Variants in AMDHD2 observed in about 807,000 individuals in gnomAD.
AMDHD2 encodes N-acetylglucosamine-6-phosphate deacetylase.
In AMDHD2, 24 loss-of-function variants were observed where a neutral mutation model predicts 41.8. The observed-to-expected ratio is 0.57, with a 90% CI of 0.42 to 0.81. The LOEUF (loss-of-function observed/expected upper bound fraction) is 0.81, where lower values mean the gene tolerates loss of function less well. Among genes scored for constraint, AMDHD2 ranks in the 30% least tolerant of loss-of-function variants. AMDHD2 has a pLI of 0.00. For missense variants in AMDHD2, 540 were observed against 588.5 expected, an observed-to-expected ratio of 0.92 and a Z score of 0.85; for synonymous variants, 332 against 255.5, an observed-to-expected ratio of 1.30 and a Z score of -2.85.
rs141294706 is a variant in AMDHD2, at chr16:2,530,427, C to T, written c.*864C>T. The T allele has an allele frequency of 5.7e-5, 92 of 1,614,098 alleles. No homozygotes were observed. In the African/African-American group the frequency reaches 9.2e-4, roughly 16 times the overall value. On this transcript the variant is annotated 3_prime_UTR_variant, in exon 11 of 11. Coordinates refer to ENST00000293971, the MANE Select transcript of AMDHD2 (RefSeq NM_001330449.2). ...GGCCGTGAGGCTCCCTGAACAGCTT[C>T]GAGGCGGGTGGGCTTCTGGAGCCCT...
chr16:2,530,787 G>A lies in AMDHD2; in HGVS notation c.*1224G>A. On this transcript the variant is annotated 3_prime_UTR_variant, in exon 11 of 11. Coordinates refer to ENST00000293971, the MANE Select transcript of AMDHD2 (RefSeq NM_001330449.2). ...GAGGGCCTGGGGCAGGGCACAAGGG[G>A]TTGATCTCAGCCCACAAGCCCCAGG... 1.2e-6 allele frequency: 2 copies of A among 1,613,704 alleles called. No homozygotes were observed. Among genetic ancestry groups the A allele is most frequent in the Non-Finnish European group, 1.7e-6 (2 of 1,179,976 alleles).
intron 3 of AMDHD2, among the ~76,000 whole-genome samples, chr16:2,522,444 G>A (rs1018844690): frequency 2.6e-5 from 4 of 152,074 alleles, no homozygotes; most frequent in Non-Finnish European, 4.4e-5. Context: ...TTGGGAGGCC[G>A]AGGCAGGCGG....
chr16:2,523,479 C>G (rs987742306), intron 3 of AMDHD2, among the ~76,000 whole-genome samples: 4 of 152,160 alleles, frequency 2.6e-5, no homozygotes, highest in Non-Finnish European at 5.9e-5. Context: ...TTCTGCCTTT[C>G]TGAGCCTCCG....
intron 3 of AMDHD2, among the ~76,000 whole-genome samples, chr16:2,522,968 C>T (rs574088091): frequency 1.2e-3 from 185 of 151,634 alleles, no homozygotes; most frequent in African/African-American, 4.2e-3. Flanking sequence ...CTCAGTCGCC[C>T]GAGTAGCTGG....
In AMDHD2 at chr16:2,520,759, G is replaced by C; in HGVS notation, c.84-10G>C. 6.4e-7 allele frequency: 1 copy of C among 1,567,312 alleles called. No homozygotes were observed. Among genetic ancestry groups the C allele is most frequent in the Non-Finnish European group, 8.6e-7 (1 of 1,157,776 alleles). ...CCCGCGATGCGAGCGCCCACCCACT[G>C]CGTCCCCAGGGAGGATCTGTGGGTG... is the stretch of plus-strand genomic sequence containing the variant. On this transcript the variant is annotated splice_polypyrimidine_tract_variant and intron_variant, in intron 1 of 10. Transcript: ENST00000293971.
chr16:2,529,656 C>T lies in AMDHD2; in HGVS notation c.*93C>T. The T allele has an allele frequency of 1.3e-6, 2 of 1,574,418 alleles. No individual in the cohort carries two copies. The highest frequency in any genetic ancestry group is 1.7e-6 in the Non-Finnish European group (2 of 1,166,964). ...TGGTCTCCAGGGAGTGAGTCGGGAGCCCTGCTGGATTGATGCCCAGGGCCT... is the reference window on the plus strand; with the variant it reads ...TGGTCTCCAGGGAGTGAGTCGGGAGTCCTGCTGGATTGATGCCCAGGGCCT... On this transcript the variant is annotated 3_prime_UTR_variant, in exon 11 of 11. Coordinates refer to ENST00000293971, the MANE Select transcript of AMDHD2 (RefSeq NM_001330449.2).
chr16:2,521,755 T>A (rs2065940932), intron 3 of AMDHD2, among the ~76,000 whole-genome samples: 1 of 151,338 alleles, frequency 6.6e-6, no homozygotes. Flanking sequence ...GTAGGTTGTA[T>A]CCAACATGCT....
At chr16:2,525,568 G>A (rs1348304178) in intron 3 of AMDHD2, among the ~76,000 whole-genome samples, 1 of 151,578 alleles carries the variant, frequency 6.6e-6, no homozygotes, top group Non-Finnish European at 1.5e-5. Flanking sequence ...TTTTTGAGAT[G>A]GAGTCTCACT....
At chr16:2,521,532 C>G (rs139264754) in intron 3 of AMDHD2, among the ~76,000 whole-genome samples, 1 of 152,180 alleles carries the variant, frequency 6.6e-6, no homozygotes, top group Non-Finnish European at 1.5e-5. Context: ...CTCAGTGGAA[C>G]ACGCCTTCCA....
At position 2,530,617 on chromosome 16, in the gene AMDHD2, C is replaced by T. The variant is rs770602232; in HGVS notation, c.*1054C>T. 1.9e-6 allele frequency: 3 copies of T among 1,614,204 alleles called. No homozygotes were observed. Among genetic ancestry groups the T allele is most frequent in the Non-Finnish European group, 2.5e-6 (3 of 1,180,038 alleles). On this transcript the variant is annotated 3_prime_UTR_variant, in exon 11 of 11. Coordinates refer to ENST00000293971, the MANE Select transcript of AMDHD2 (RefSeq NM_001330449.2). ...CTGGGCACAGGAGGTACGCGCCTGG[C>T]TCTGCCACTGTTCTCTTCCCTCTGC... is the stretch of plus-strand genomic sequence containing the variant.
chr16:2,526,223 A>G (rs2066002353), intron 3 of AMDHD2, among the ~76,000 whole-genome samples: 1 of 152,120 alleles, frequency 6.6e-6, no homozygotes, highest in African/African-American at 2.4e-5. Flanking sequence ...CCCAGCCTGC[A>G]GGAGGGGCAT....
Position 2,530,990 on chromosome 16 carries a change from G to A in AMDHD2, c.*1427G>A, listed in dbSNP as rs1485487553. 1.9e-6 allele frequency: 3 copies of A among 1,613,044 alleles called. No individual in the cohort carries two copies. The highest frequency in any genetic ancestry group is 2.5e-6 in the Non-Finnish European group (3 of 1,179,776). ...TGCCAGGGCTCCCAGGCAGGGAGAG[G>A]CAGGTGAGGTTCTCAGCCGATGTGT... On this transcript the variant is annotated 3_prime_UTR_variant, in exon 11 of 11. Transcript: ENST00000293971.
In AMDHD2 at chr16:2,520,744, G is replaced by A. The variant is rs2065923327; in HGVS notation, c.84-25G>A. On this transcript the variant is annotated intron_variant, in intron 1 of 10. Coordinates refer to ENST00000293971, the MANE Select transcript of AMDHD2 (RefSeq NM_001330449.2). ...GGGGCCGAGGTCAGGCCCGCGATGC[G>A]AGCGCCCACCCACTGCGTCCCCAGG... is the stretch of plus-strand genomic sequence containing the variant. 3.3e-6 allele frequency: 5 copies of A among 1,532,762 alleles called. No homozygotes were observed. The African/African-American group carries it at 4.1e-5, about 13-fold the overall frequency. The allele number at this position is 1,532,762 out of a possible 1,614,324, so 94.9% of individuals were successfully genotyped here.
rs2066017757 is a variant in AMDHD2 at position 2,527,443 on chromosome 16, C to T, written c.361-118C>T. ...TGACCCCTGTGAGGGGACAGGCGGC[C>T]GGGGCTGGGCTGGGTGCTGGGCTCT... is the stretch of plus-strand genomic sequence containing the variant. On this transcript the variant is annotated intron_variant, in intron 3 of 10. Coordinates refer to ENST00000293971, the MANE Select transcript of AMDHD2 (RefSeq NM_001330449.2). The surrounding 1 kb of genome is among the most constrained non-coding windows in gnomAD (Gnocchi z 6.1). The T allele has an allele frequency of 3.6e-5, 40 of 1,114,200 alleles. No homozygotes were observed. In the Middle Eastern group the frequency reaches 5.9e-4, roughly 16 times the overall value. The allele number at this position is 1,114,200 out of a possible 1,614,324, so 69.0% of individuals were successfully genotyped here.
chr16:2,522,806 G>C lies in AMDHD2; in HGVS notation c.360+1683G>C, dbSNP rs578011541. ...TGGGATTATAGGCGAGAGCCACTGTGCCTGGCCCATCATGCCTGTTTATTC... is the reference window on the plus strand; with the variant it reads ...TGGGATTATAGGCGAGAGCCACTGTCCCTGGCCCATCATGCCTGTTTATTC... On this transcript the variant is annotated intron_variant, in intron 3 of 10. Coordinates refer to ENST00000293971, the MANE Select transcript of AMDHD2 (RefSeq NM_001330449.2). Among the ~76,000 whole-genome samples the C allele has an allele frequency of 2.2e-4, 34 of 151,856 alleles. No homozygotes were observed. The East Asian group carries it at 5.4e-3, about 24-fold the overall frequency.
At chr16:2,525,579 C>G (rs2065993460) in intron 3 of AMDHD2, among the ~76,000 whole-genome samples, 2 of 152,008 alleles carry the variant, frequency 1.3e-5, no homozygotes, top group African/African-American at 4.8e-5. Context: ...GAGTCTCACT[C>G]TGTCACCCAG....
chr16:2,522,078 C>G (rs553639362), intron 3 of AMDHD2, among the ~76,000 whole-genome samples: 21 of 152,206 alleles, frequency 1.4e-4, no homozygotes, highest in Non-Finnish European at 7.4e-5. Flanking sequence ...GCCACCGCGC[C>G]CGGCCAGTTT....
Position 2,520,542 on chromosome 16 carries a change from G to A in AMDHD2, c.83+1G>A. 4 of 1,238,860 alleles carry A rather than the reference G, an allele frequency of 3.2e-6. No individual in the cohort carries two copies. The highest frequency in any genetic ancestry group is 3.0e-6 in the Non-Finnish European group (3 of 985,030). 76.7% of individuals were successfully genotyped at this position (1,238,860 alleles called of 1,614,324 possible). On this transcript the variant is annotated splice_donor_variant, in intron 1 of 10. Transcript: ENST00000293971. LOFTEE classifies it high-confidence loss of function. ...TCCTGCGCGGAGGGAAACTGCTCAG[G>A]TGGGCGCGGGCCGGGGACTGCGGGG...
chr16:2,522,005 C>A (rs573231856), intron 3 of AMDHD2, among the ~76,000 whole-genome samples: 1 of 152,006 alleles, frequency 6.6e-6, no homozygotes, highest in African/African-American at 2.4e-5. Flanking sequence ...AGGATGGTCT[C>A]GATCTCCTGA....
Sources: allele counts gnomAD v4.1 joint callset (sites outside exome capture counted in the v4.1 genomes callset), GRCh38; gene constraint gnomAD v4.1.1; non-coding constraint Gnocchi (gnomAD v3.1); transcripts MANE v1.5; gene names NCBI Gene and HGNC (gene_info 2026-07-23, HGNC 2026-07-21).